Variants in VPS9D1 observed in about 807,000 individuals in gnomAD.
The protein encoded by VPS9D1 is VPS9 domain containing 1, also known as VPS9 domain-containing protein 1.
A neutral mutation model predicts 75.8 loss-of-function variants in VPS9D1; 78 were observed. The ratio of observed to expected loss-of-function variants is 1.03; its 90% CI spans 0.86 to 1.24. The LOEUF is 1.24. Among genes scored for constraint, VPS9D1 ranks in the 50% most tolerant of loss-of-function variants. The pLI is 0.00. For synonymous variants in VPS9D1, 481 were observed against 385.6 expected, an observed-to-expected ratio of 1.25 and a Z score of -2.90; for missense variants, 1,057 against 847.7, an observed-to-expected ratio of 1.25 and a Z score of -3.07.
At chr16:89,709,582 G>A in intron 11 of VPS9D1, 147 bp from the exon 12 acceptor site, 1 of 1,269,496 alleles carries the variant, frequency 7.9e-7, no homozygotes, top group Non-Finnish European at 1.1e-6. Flanking sequence ...CCAGGCACGG[G>A]AGAGTGGCAA....
chr16:89,717,614 C>T lies in VPS9D1; in HGVS notation c.176-792G>A, dbSNP rs775625522. On this transcript the variant is annotated intron_variant, in intron 2 of 14. Transcript: ENST00000389386. ...CTCATAGACTCCCATTTTCTCATCC[C>T]GCCCCGATTTAGCCCCCGACTCCCC... is the stretch of plus-strand genomic sequence containing the variant. The T allele has an allele frequency of 9.2e-5, 42 of 456,552 alleles. No homozygotes were observed. In the Middle Eastern group the frequency reaches 5.9e-3, roughly 64 times the overall value. 28.3% of individuals were successfully genotyped at this position (456,552 alleles called of 1,614,324 possible).
rs1291821731 is a variant in VPS9D1 at position 89,708,463 on chromosome 16, G to A, written c.1766C>T (p.Ser589Leu). 7 of 1,612,970 alleles carry A rather than the reference G, an allele frequency of 4.3e-6. No homozygotes were observed. Among genetic ancestry groups the A allele is most frequent in the African/African-American group, 2.7e-5 (2 of 75,054 alleles). The change falls in exon 14 of 15, where the codon TCG becomes TTG. Residue 589 changes from serine to leucine, a missense_variant. Transcript: ENST00000389386. ...GAACTCCTCCAGGGCCGCGCACTCCGACACCAGCTGAGGGAGGCCGCTCCT... is the reference window on the plus strand; with the variant it reads ...GAACTCCTCCAGGGCCGCGCACTCCAACACCAGCTGAGGGAGGCCGCTCCT... ...VLRSGLPQLV[S>L]ECAALEEFIH...
chr16:89,720,768 G>A lies in VPS9D1; in HGVS notation c.94C>T (p.Pro32Ser). The A allele has an allele frequency of 2.1e-6, 3 of 1,450,776 alleles. No individual in the cohort carries two copies. The highest frequency in any genetic ancestry group is 1.4e-5 in the South Asian group (1 of 74,064). The allele number at this position is 1,450,776 out of a possible 1,614,324, so 89.9% of individuals were successfully genotyped here. Residue 32 changes from proline (P) to serine (S), a missense_variant, in exon 1 of 15, where the codon CCC becomes TCC. Physicochemically the swap from Pro to Ser is moderately conservative, Grantham distance 74. Coordinates refer to ENST00000389386, the MANE Select transcript of VPS9D1 (RefSeq NM_004913.3). ...GAIELDTGNRPREAYTEYLRS... is the reference protein window; with the variant it reads ...GAIELDTGNRSREAYTEYLRS... ...CCGCCCCCGCCCCGCCTCACCCGGGGCCGGTTGCCGGTGTCCAGCTCGATG... is the reference window on the plus strand; with the variant it reads ...CCGCCCCCGCCCCGCCTCACCCGGGACCGGTTGCCGGTGTCCAGCTCGATG...
intron 13 of VPS9D1, 21 bp downstream of exon 13, chr16:89,708,836 C>T (rs2060848801): frequency 1.3e-6 from 2 of 1,566,900 alleles, no homozygotes. Flanking sequence ...CCTGGCCACA[C>T]CTCGCCCTCC....
At chr16:89,708,554 T>A (rs1414085727) in intron 13 of VPS9D1, 23 bp from the exon 14 acceptor site, 1 of 1,605,630 alleles carries the variant, frequency 6.2e-7, no homozygotes, top group South Asian at 1.1e-5. Flanking sequence ...CATAGCGGCC[T>A]TGGGTTGGGG....
At chr16:89,719,720 GTTTGT>G (rs1385569595) in intron 1 of VPS9D1, among the ~76,000 whole-genome samples, 2 of 152,102 alleles carry the variant, frequency 1.3e-5, no homozygotes, top group Non-Finnish European at 2.9e-5. Flanking sequence ...CAGAATGGTG[GTTTGT>G]TTTGTTTTGT....
rs1278377423 is a variant in VPS9D1 at position 89,716,485 on chromosome 16, C to T, written c.408G>A (p.Gly136=). The T allele has an allele frequency of 1.2e-6, 2 of 1,614,080 alleles. No homozygotes were observed. Among genetic ancestry groups the T allele is most frequent in the South Asian group, 1.1e-5 (1 of 91,078 alleles). ...ACTTCTTACAGCTTTGTGACTCTGC[C>T]CCCTGAAGCTTCTGGAAGATCTCGG... ...LPPEIFQKLQ[G]AESQSCKKEL... The change falls in exon 4 of 15, where the codon GGG becomes GGA. Residue 136 remains glycine (G), a synonymous_variant. Coordinates refer to ENST00000389386, the MANE Select transcript of VPS9D1 (RefSeq NM_004913.3).
At chr16:89,712,128 G>C (rs1184552390) in intron 6 of VPS9D1, 29 bp from the exon 7 acceptor site, 7 of 1,548,158 alleles carry the variant, frequency 4.5e-6, no homozygotes, top group Non-Finnish European at 6.1e-6. Context: ...GGCCGAGCGT[G>C]GGATCTGAGC....
chr16:89,716,828 G>A lies in VPS9D1; in HGVS notation c.176-6C>T, dbSNP rs771546957. 1.3e-6 allele frequency: 2 copies of A among 1,586,936 alleles called. No homozygotes were observed. The highest frequency in any genetic ancestry group is 1.9e-5 in the Admixed American group (1 of 51,690). The stretch of plus-strand genomic sequence containing the variant: ...GGGCACAGTTTCCCCAGCTTCTGGG[G>A]GAGGGACAAGAAGGCTGGTCACAGT... On this transcript the variant is annotated splice_polypyrimidine_tract_variant and splice_region_variant and intron_variant, in intron 2 of 14. Coordinates refer to ENST00000389386, the MANE Select transcript of VPS9D1 (RefSeq NM_004913.3).
At chr16:89,711,732 A>G (rs1274121987) in intron 8 of VPS9D1, 150 bp downstream of exon 8, 2 of 907,174 alleles carry the variant, frequency 2.2e-6, no homozygotes, top group South Asian at 1.9e-5. Flanking sequence ...CCGCCCCCTC[A>G]CCGGGCCCTC....
Position 89,707,951 on chromosome 16 carries a change from G to T in VPS9D1, c.1806C>A (p.Tyr602Ter). Residue 602 changes from tyrosine (Y) to a stop codon, truncating the protein, a stop_gained, in exon 15 of 15, where the codon TAC (tyrosine) becomes TAA (stop). Transcript: ENST00000389386. LOFTEE classifies it high-confidence loss of function. ...AALEEFIHEG[Y>*]LIGEEGYCLT... ...GGCAGTAGCCCTCCTCTCCGATCAG[G>T]TACCTGCATGGATGGCAGGGGCAGC... is the stretch of plus-strand genomic sequence containing the variant. The T allele has an allele frequency of 6.2e-7, 1 of 1,612,906 alleles. No individual in the cohort carries two copies. The highest frequency in any genetic ancestry group is 8.5e-7 in the Non-Finnish European group (1 of 1,179,888).
rs966213816 is a variant in VPS9D1 at position 89,708,412 on chromosome 16, C to T, written c.1802+15G>A. On this transcript the variant is annotated intron_variant, in intron 14 of 14. Transcript: ENST00000389386. ...CTTCGCACAGAGACCCCCACCCTGA[C>T]CCGCCAGGGTCTACCCCTCGTGGAT... 1.9e-6 allele frequency: 3 copies of T among 1,605,088 alleles called. No individual in the cohort carries two copies. Among genetic ancestry groups the T allele is most frequent in the Admixed American group, 1.7e-5 (1 of 58,786 alleles).
chr16:89,711,643 C>T (rs989663221), intron 8 of VPS9D1: 2 of 658,838 alleles, frequency 3.0e-6, no homozygotes, highest in Admixed American at 3.0e-5. Flanking sequence ...TCGCAGGGAC[C>T]CTCCCTCCTC....
intron 4 of VPS9D1, among the ~76,000 whole-genome samples, chr16:89,715,941 T>C (rs1036824640): frequency 6.6e-6 from 1 of 151,738 alleles, no homozygotes; most frequent in African/African-American, 2.4e-5. Context: ...CCTCCTACAG[T>C]GCTGGGATTA....
At chr16:89,717,808 C>G (rs1181691876) in intron 2 of VPS9D1, 2 of 456,708 alleles carry the variant, frequency 4.4e-6, no homozygotes, top group Non-Finnish European at 8.8e-6. Flanking sequence ...CCCTAGGGAG[C>G]TGGGGCAACT....
chr16:89,709,963 G>A (rs933996170), intron 10 of VPS9D1, 57 bp from the exon 11 acceptor site: 1 of 1,539,820 alleles, frequency 6.5e-7, no homozygotes, highest in African/African-American at 1.4e-5. Context: ...TGGGTCAAGT[G>A]GCTCTAAGCC....
At chr16:89,717,493 T>C in intron 2 of VPS9D1, 1 of 450,578 alleles carries the variant, frequency 2.2e-6, no homozygotes, top group Non-Finnish European at 4.5e-6. Flanking sequence ...CACACAGCCC[T>C]TCTGCGCGCC....
Position 89,711,872 on chromosome 16 carries a change from G to C in VPS9D1, c.747+10C>G. The C allele has an allele frequency of 1.3e-6, 2 of 1,549,936 alleles. No homozygotes were observed. The highest frequency in any genetic ancestry group is 2.4e-5 in the East Asian group (1 of 40,880). ...TCCTCCTACAAAGCCTGGGCCCGTG[G>C]GGGACGCACATGGTCCTGTTCGTAC... On this transcript the variant is annotated intron_variant, in intron 8 of 14. Coordinates refer to ENST00000389386, the MANE Select transcript of VPS9D1 (RefSeq NM_004913.3).
At position 89,711,440 on chromosome 16, in the gene VPS9D1, GCACGGTGGGTCCGC is replaced by G. The variant is rs761493113; in HGVS notation, c.748-42_748-29del. ...ACGGGACAGGGGGCCTTGAAGGAAAGCACGGTGGGTCCGCCACGACCGGACGCGCCTCATCTCCC... is the reference window on the plus strand; with the variant it reads ...ACGGGACAGGGGGCCTTGAAGGAAAGCACGACCGGACGCGCCTCATCTCCC... On this transcript the variant is annotated intron_variant, in intron 8 of 14. Transcript: ENST00000389386. The G allele has an allele frequency of 3.8e-6, 6 of 1,581,476 alleles. No individual in the cohort carries two copies. In the South Asian group the frequency reaches 6.9e-5, roughly 18 times the overall value.
Sources: allele counts gnomAD v4.1 joint callset (sites outside exome capture counted in the v4.1 genomes callset), GRCh38; gene constraint gnomAD v4.1.1; transcripts MANE v1.5; gene names NCBI Gene and HGNC (gene_info 2026-07-23, HGNC 2026-07-21).